Variants in RASGRF2 observed in about 807,000 individuals in gnomAD.
RASGRF2 encodes Ras protein specific guanine nucleotide releasing factor 2.
In RASGRF2, 76 loss-of-function variants were observed where a neutral mutation model predicts 151.0. The observed-to-expected ratio is 0.50, with a 90% CI of 0.42 to 0.61. The LOEUF (loss-of-function observed/expected upper bound fraction) is 0.61. Ranked by LOEUF, RASGRF2 falls within the 20% of genes least tolerant of loss-of-function variation. The pLI is 0.00. For synonymous variants in RASGRF2, 504 were observed against 566.5 expected (o/e 0.89, Z 1.57); for missense variants, 1,148 against 1,564.6 (o/e 0.73, Z 4.49).
intron 1 of RASGRF2, among the ~76,000 whole-genome samples, chr5:81,017,154 T>C (rs1749665478): frequency 1.3e-5 from 2 of 152,214 alleles, no homozygotes; most frequent in South Asian, 4.1e-4. Context: ...TCCAGTGTCC[T>C]AGGCAGCCTG....
intron 17 of RASGRF2, among the ~76,000 whole-genome samples, chr5:81,174,540 C>G (rs1432819832): frequency 6.6e-6 from 1 of 152,172 alleles, no homozygotes; most frequent in East Asian, 1.9e-4. Flanking sequence ...GGCACAGTGA[C>G]AAGAGGAGAA....
At chr5:81,107,988 T>G (rs7700463) in intron 12 of RASGRF2, among the ~76,000 whole-genome samples, 5,964 of 152,322 alleles carry the variant, frequency 0.039, 457 homozygotes, top group African/African-American at 0.14. Context: ...CTAAGTAGAC[T>G]GAATAGTCAG....
intron 1 of RASGRF2, among the ~76,000 whole-genome samples, chr5:80,967,605 T>A (rs191981771): frequency 1.3e-5 from 2 of 152,346 alleles, no homozygotes; most frequent in East Asian, 3.9e-4. Context: ...TGTCATTGTC[T>A]GATTTAATTT....
intron 2 of RASGRF2, among the ~76,000 whole-genome samples, chr5:81,048,023 A>G (rs757836299): frequency 2.0e-5 from 3 of 152,226 alleles, no homozygotes; most frequent in Non-Finnish European, 4.4e-5. Flanking sequence ...GCTGCTGTGT[A>G]TATCATATCC....
intron 13 of RASGRF2, among the ~76,000 whole-genome samples, chr5:81,110,041 T>A (rs2112538031): frequency 6.6e-6 from 1 of 152,334 alleles, no homozygotes; most frequent in Non-Finnish European, 1.5e-5. Context: ...TTTTGCAATC[T>A]CTGTTCCTTC....
At chr5:81,178,924 G>A (rs1754848098) in intron 17 of RASGRF2, among the ~76,000 whole-genome samples, 1 of 152,136 alleles carries the variant, frequency 6.6e-6, no homozygotes, top group Admixed American at 6.5e-5. Flanking sequence ...ATTTTTAATA[G>A]AGACGGGGTT....
chr5:81,142,356 T>G (rs1241412090), intron 17 of RASGRF2, among the ~76,000 whole-genome samples: 1 of 152,234 alleles, frequency 6.6e-6, no homozygotes, highest in East Asian at 1.9e-4. Flanking sequence ...TAAACATCAC[T>G]GCTCTGCTAT....
At chr5:81,202,771 A>T (rs1196350851) in intron 19 of RASGRF2, among the ~76,000 whole-genome samples, 12 of 152,252 alleles carry the variant, frequency 7.9e-5, no homozygotes, top group Non-Finnish European at 1.5e-5. Flanking sequence ...TGGAAGACAG[A>T]CACAGACAAT....
At chr5:81,213,622 C>T (rs565964318) in intron 23 of RASGRF2, among the ~76,000 whole-genome samples, 1 of 152,170 alleles carries the variant, frequency 6.6e-6, no homozygotes, top group Non-Finnish European at 1.5e-5. Flanking sequence ...CTCATTATTT[C>T]TTTTCCATCT....
chr5:81,027,675 A>G (rs1750084520), intron 1 of RASGRF2, among the ~76,000 whole-genome samples: 1 of 152,278 alleles, frequency 6.6e-6, no homozygotes, highest in Admixed American at 6.5e-5. Context: ...TTAAAATGCC[A>G]TAGCTTTTCA....
intron 5 of RASGRF2, among the ~76,000 whole-genome samples, chr5:81,076,478 G>A (rs971784641): frequency 9.9e-5 from 15 of 152,014 alleles, no homozygotes; most frequent in Non-Finnish European, 8.8e-5. Flanking sequence ...GGGAAGTGTC[G>A]GAGTTGGAGA....
At position 81,196,874 on chromosome 5, in the gene RASGRF2, G is replaced by A. The variant is rs1050239525; in HGVS notation, c.2794-4456G>A. Among the ~76,000 whole-genome samples, 5 of 152,320 alleles carry A rather than the reference G, an allele frequency of 3.3e-5. No homozygotes were observed. The East Asian group carries it at 5.8e-4, about 18-fold the overall frequency. On this transcript the variant is annotated intron_variant, in intron 18 of 26. Coordinates refer to ENST00000265080, the MANE Select transcript of RASGRF2 (RefSeq NM_006909.3). Reference sequence around the variant, plus strand: ...AAGTCCTGATGGCTGAGAATGTAGTGCACAAAGATTGATGAAAGTGAGAGC... The same window carrying A: ...AAGTCCTGATGGCTGAGAATGTAGTACACAAAGATTGATGAAAGTGAGAGC...
intron 22 of RASGRF2, among the ~76,000 whole-genome samples, chr5:81,208,759 C>A (rs1182382328): frequency 6.6e-6 from 1 of 151,920 alleles, no homozygotes; most frequent in Non-Finnish European, 1.5e-5. Flanking sequence ...CCATGTCGGC[C>A]AGACTGGTCT....
intron 1 of RASGRF2, among the ~76,000 whole-genome samples, chr5:81,023,367 A>G (rs1468322254): frequency 6.6e-6 from 1 of 152,168 alleles, no homozygotes; most frequent in African/African-American, 2.4e-5. Context: ...CAGTTCCTGT[A>G]TTAGGACAGG....
At chr5:81,094,656 A>C (rs1301487404) in intron 11 of RASGRF2, among the ~76,000 whole-genome samples, 200 bp from the exon 12 acceptor site, 1 of 152,156 alleles carries the variant, frequency 6.6e-6, no homozygotes, top group Non-Finnish European at 1.5e-5. Context: ...TTCTAGTCTC[A>C]AGTAACCTAC....
chr5:81,055,720 T>C (rs1334078900), intron 2 of RASGRF2, among the ~76,000 whole-genome samples: 1 of 152,318 alleles, frequency 6.6e-6, no homozygotes, highest in East Asian at 1.9e-4. Context: ...AGCTCCTCTT[T>C]GTACCTCTGG....
intron 1 of RASGRF2, among the ~76,000 whole-genome samples, chr5:81,003,458 C>T (rs779190665): frequency 2.7e-5 from 4 of 150,722 alleles, no homozygotes; most frequent in Admixed American, 6.6e-5. Context: ...CTACTGACCT[C>T]GTGATCTGCC....
chr5:81,145,427 C>A (rs112401118), intron 17 of RASGRF2, among the ~76,000 whole-genome samples: 148 of 152,254 alleles, frequency 9.7e-4, no homozygotes, highest in Middle Eastern at 3.4e-3. Context: ...ACCACAAATT[C>A]TTTTCTACTT....
At chr5:81,035,497 G>A (rs1750454959) in intron 1 of RASGRF2, among the ~76,000 whole-genome samples, 1 of 151,986 alleles carries the variant, frequency 6.6e-6, no homozygotes, top group African/African-American at 2.4e-5. Context: ...AGCATTAGGA[G>A]ATATACCTAA....
Sources: gnomAD v4.1 joint callset for allele counts (sites outside exome capture counted in the v4.1 genomes callset) on GRCh38, gnomAD v4.1.1 for gene constraint, MANE v1.5 for transcripts, NCBI Gene and HGNC (gene_info 2026-07-23, HGNC 2026-07-21) for gene names.